Variants in CDH18 observed in about 807,000 individuals in gnomAD.
CDH18 encodes the protein cadherin 18.
Under a neutral mutation model 67.9 loss-of-function variants are expected in CDH18, and 31 were observed. The ratio of observed to expected loss-of-function variants is 0.46; its 90% CI spans 0.34 to 0.62. CDH18 has a LOEUF of 0.62. Among genes scored for constraint, CDH18 ranks in the 20% least tolerant of loss-of-function variants. The probability of loss-of-function intolerance (pLI) is 0.01; values close to 1 mark genes in which losing one functional copy is unlikely to be tolerated. For synonymous variants in CDH18, 362 were observed against 347.2 expected, an observed-to-expected ratio of 1.04 and a Z score of -0.48; for missense variants, 890 against 975.5, an observed-to-expected ratio of 0.91 and a Z score of 1.17.
intron 1 of CDH18, among the ~76,000 whole-genome samples, chr5:20,417,671 G>A (rs1443768026): frequency 6.6e-6 from 1 of 152,160 alleles, no homozygotes; most frequent in African/African-American, 2.4e-5. Flanking sequence ...GACAGTTAGA[G>A]AAGACAGCTA....
At chr5:20,266,041 T>C (rs1194564888) in intron 1 of CDH18, among the ~76,000 whole-genome samples, 1 of 152,176 alleles carries the variant, frequency 6.6e-6, no homozygotes, top group Non-Finnish European at 1.5e-5. Context: ...ATAGAGGCAC[T>C]CTCGGTTTTA....
At chr5:20,518,520 T>A (rs1464850682) in intron 1 of CDH18, among the ~76,000 whole-genome samples, 1 of 152,180 alleles carries the variant, frequency 6.6e-6, no homozygotes, top group East Asian at 1.9e-4. Flanking sequence ...GGATCCTGTG[T>A]AAGCAATTGC....
intron 1 of CDH18, among the ~76,000 whole-genome samples, chr5:20,378,345 G>T (rs1486542372): frequency 6.6e-6 from 1 of 151,840 alleles, no homozygotes; most frequent in South Asian, 2.1e-4. Flanking sequence ...CTAATTTTTG[G>T]TATTTTTAGT....
intron 2 of CDH18, 50 bp from the exon 3 acceptor site, chr5:19,839,292 T>C (rs746091558): frequency 6.1e-5 from 20 of 328,434 alleles, no homozygotes; most frequent in Non-Finnish European, 8.1e-5. Flanking sequence ...TTTTTTTAAC[T>C]ATTTGCTCTG....
intron 2 of CDH18, among the ~76,000 whole-genome samples, chr5:19,864,080 T>C (rs899643471): frequency 6.2e-4 from 94 of 150,966 alleles, no homozygotes; most frequent in African/African-American, 2.1e-3. Flanking sequence ...CATGCACACG[T>C]ATGTTTATTG....
chr5:19,771,730 T>A (rs1392351215), intron 3 of CDH18, among the ~76,000 whole-genome samples: 2 of 152,156 alleles, frequency 1.3e-5, no homozygotes, highest in South Asian at 2.1e-4. Flanking sequence ...CTGAATTAAG[T>A]AAGCTGAACT....
At chr5:20,546,650 A>T (rs1036309069) in intron 1 of CDH18, among the ~76,000 whole-genome samples, 3 of 152,076 alleles carry the variant, frequency 2.0e-5, no homozygotes, top group Admixed American at 2.0e-4. Flanking sequence ...CCAGGATCCA[A>T]TTACATCCCA....
intron 2 of CDH18, among the ~76,000 whole-genome samples, chr5:20,125,898 C>T (rs985895409): frequency 4.6e-5 from 7 of 152,090 alleles, no homozygotes; most frequent in Admixed American, 4.6e-4. Context: ...CCAAAGCCAT[C>T]TACCAATTCA....
At chr5:19,810,387 G>C (rs1200009642) in intron 3 of CDH18, among the ~76,000 whole-genome samples, 1 of 151,788 alleles carries the variant, frequency 6.6e-6, no homozygotes, top group Non-Finnish European at 1.5e-5. Flanking sequence ...AAAGGAAAGA[G>C]ACATTTTAAG....
chr5:19,715,673 T>C (rs898408664), intron 5 of CDH18, among the ~76,000 whole-genome samples: 1 of 152,166 alleles, frequency 6.6e-6, no homozygotes, highest in African/African-American at 2.4e-5. Flanking sequence ...ATGTATCTTA[T>C]CTTTTTAAAA....
Position 19,701,007 on chromosome 5 carries a change from A to T in CDH18, c.643+20340T>A, listed in dbSNP as rs539281977. Reference sequence around the variant, plus strand: ...CAAAAAAATAAGCATCGATCAAGAAATCCCAAAAAGACAAATAGTAATTGT... The same window carrying T: ...CAAAAAAATAAGCATCGATCAAGAATTCCCAAAAAGACAAATAGTAATTGT... On this transcript the variant is annotated intron_variant, in intron 5 of 12. Coordinates refer to ENST00000382275, the MANE Select transcript of CDH18 (RefSeq NM_004934.5). Among the ~76,000 whole-genome samples, 4 of 152,298 alleles carry T rather than the reference A, an allele frequency of 2.6e-5. No homozygotes were observed. In the East Asian group the frequency reaches 7.7e-4, roughly 29 times the overall value.
At chr5:20,502,128 A>G (rs1277393171) in intron 1 of CDH18, among the ~76,000 whole-genome samples, 1 of 152,072 alleles carries the variant, frequency 6.6e-6, no homozygotes, top group African/African-American at 2.4e-5. Flanking sequence ...TTTAGATTAG[A>G]TTGCTTATCT....
Position 19,647,189 on chromosome 5 carries a change from T to G in CDH18, c.644-34588A>C, listed in dbSNP as rs529101220. Among the ~76,000 whole-genome samples the G allele has an allele frequency of 4.6e-5, 7 of 152,120 alleles. No homozygotes were observed. The East Asian group carries it at 1.4e-3, about 30-fold the overall frequency. ...CGTAAGGGCAAGAAATGCAAAATTT[T>G]GGATCCCTTCTGGTATTAGAAAATA... On this transcript the variant is annotated intron_variant, in intron 5 of 12. Transcript: ENST00000382275.
At chr5:20,132,392 C>T (rs1749341025) in intron 2 of CDH18, among the ~76,000 whole-genome samples, 1 of 151,978 alleles carries the variant, frequency 6.6e-6, no homozygotes, top group Admixed American at 6.6e-5. Flanking sequence ...CTCTATTATT[C>T]ATATATTTTA....
intron 5 of CDH18, among the ~76,000 whole-genome samples, chr5:19,681,355 A>G (rs1760295960): frequency 6.6e-6 from 1 of 152,000 alleles, no homozygotes; most frequent in Non-Finnish European, 1.5e-5. Context: ...TACCCATATA[A>G]AAAACCTGAA....
chr5:19,849,510 T>C (rs1433204416), intron 2 of CDH18, among the ~76,000 whole-genome samples: 1 of 151,562 alleles, frequency 6.6e-6, no homozygotes, highest in South Asian at 2.1e-4. Context: ...AATACCCAGA[T>C]GCCATAAATG....
intron 1 of CDH18, among the ~76,000 whole-genome samples, chr5:20,486,761 A>G (rs1409671924): frequency 6.6e-6 from 1 of 151,578 alleles, no homozygotes; most frequent in Admixed American, 6.6e-5. Flanking sequence ...ATTAAATAGT[A>G]AAGAGATGAA....
At chr5:19,766,787 T>G (rs1773148355) in intron 3 of CDH18, among the ~76,000 whole-genome samples, 1 of 152,122 alleles carries the variant, frequency 6.6e-6, no homozygotes, top group Non-Finnish European at 1.5e-5. Flanking sequence ...CTGCCCGGAT[T>G]TTAGTGGTTT....
chr5:20,155,653 C>A (rs1751466971), intron 2 of CDH18, among the ~76,000 whole-genome samples: 2 of 151,916 alleles, frequency 1.3e-5, no homozygotes, highest in South Asian at 4.2e-4. Context: ...TTGGTTAGGC[C>A]AATATACAAA....
Sources: allele counts gnomAD v4.1 joint callset (sites outside exome capture counted in the v4.1 genomes callset), GRCh38; gene constraint gnomAD v4.1.1; transcripts MANE v1.5; gene names NCBI Gene and HGNC (gene_info 2026-07-23, HGNC 2026-07-21).